Variants in RIPPLY3 observed in about 807,000 individuals in gnomAD.
RIPPLY3 encodes the protein ripply transcriptional repressor 3.
A neutral mutation model predicts 11.9 loss-of-function variants in RIPPLY3; 8 were observed. That is an observed-to-expected ratio of 0.67 (90% CI 0.40 to 1.21). The LOEUF (loss-of-function observed/expected upper bound fraction) is 1.21. RIPPLY3 is among the 50% of genes most tolerant of loss of function. RIPPLY3 has a pLI of 0.01. For synonymous variants in RIPPLY3, 102 were observed against 99.0 expected (o/e 1.03, Z -0.18); for missense variants, 271 against 246.0 (o/e 1.10, Z -0.68).
In RIPPLY3 at chr21:37,018,228, C is replaced by T. The variant is rs2069602030; in HGVS notation, c.*21C>T. The T allele has an allele frequency of 6.3e-7, 1 of 1,595,666 alleles. No individual in the cohort carries two copies. The highest frequency in any genetic ancestry group is 1.3e-5 in the African/African-American group (1 of 74,610). On this transcript the variant is annotated 3_prime_UTR_variant, in exon 4 of 4. Coordinates refer to ENST00000329553, the MANE Select transcript of RIPPLY3 (RefSeq NM_018962.3). ...AATGAATCAGTCTCTGTCTCCTGGG[C>T]CCTGCTCTGGGACCTGCCCCTCACG... is the stretch of plus-strand genomic sequence containing the variant.
chr21:37,010,209 G>A (rs1198542089), intron 2 of RIPPLY3, among the ~76,000 whole-genome samples: 1 of 152,086 alleles, frequency 6.6e-6, no homozygotes, highest in African/African-American at 2.4e-5. Flanking sequence ...AAAACCTCAA[G>A]TAGGCCGGGC....
chr21:37,006,600 C>T (rs371365673), upstream of RIPPLY3: 1 of 377,568 alleles, frequency 2.6e-6, no homozygotes, highest in East Asian at 4.0e-5. The surrounding 1 kb of genome is among the most constrained non-coding windows in gnomAD (Gnocchi z 5.2). Flanking sequence ...CTGCGGCCCC[C>T]TCCGCACCCC....
In RIPPLY3 at chr21:37,017,905, T is replaced by C. The variant is rs1424004668; in HGVS notation, c.271T>C (p.Tyr91His). 3.1e-6 allele frequency: 5 copies of C among 1,613,848 alleles called. No individual in the cohort carries two copies. The South Asian group carries it at 3.3e-5, about 11-fold the overall frequency. Residue 91 changes from tyrosine (Y) to histidine (H), a missense_variant, in exon 4 of 4, where the codon TAC (tyrosine) becomes CAC (histidine). By Grantham distance (83) the Tyr-to-His change is moderately conservative (BLOSUM62 2). Transcript: ENST00000329553. Reference protein sequence around the residue: ...VYLPMSKRQEYLRSSGEQVLA... With the variant: ...VYLPMSKRQEHLRSSGEQVLA... The stretch of plus-strand genomic sequence containing the variant: ...TTTACCCATGTCAAAGCGTCAAGAA[T>C]ACCTGCGGAGTTCCGGGGAGCAAGT...
rs191671294 is a variant in RIPPLY3 at position 37,006,717 on chromosome 21, T to C, written c.-56T>C. 2.8e-5 allele frequency: 31 copies of C among 1,123,784 alleles called. No individual in the cohort carries two copies. The African/African-American group carries it at 5.0e-4, about 18-fold the overall frequency. 69.6% of individuals were successfully genotyped at this position (1,123,784 alleles called of 1,614,324 possible). On this transcript the variant is annotated 5_prime_UTR_variant, in exon 1 of 4. Coordinates refer to ENST00000329553, the MANE Select transcript of RIPPLY3 (RefSeq NM_018962.3). This position sits in a 1 kb window ranked among gnomAD's most constrained non-coding sequence, Gnocchi z 5.2. ...AGGTGAGCGCGTTAGCCCGAGTGGATCTAGGCGCGCTCGTAGGCCGGCGCC... is the reference window on the plus strand; with the variant it reads ...AGGTGAGCGCGTTAGCCCGAGTGGACCTAGGCGCGCTCGTAGGCCGGCGCC...
At chr21:37,015,172 T>C (rs1351206016) in intron 3 of RIPPLY3, among the ~76,000 whole-genome samples, 2 of 152,074 alleles carry the variant, frequency 1.3e-5, no homozygotes, top group Non-Finnish European at 2.9e-5. Context: ...TGTTTTTGTT[T>C]TTGTTTTTTG....
chr21:37,009,000 G>A (rs963260085), intron 2 of RIPPLY3, among the ~76,000 whole-genome samples: 1 of 152,032 alleles, frequency 6.6e-6, no homozygotes, highest in Non-Finnish European at 1.5e-5. Context: ...CCCGCGTCTG[G>A]CCCTTTCTGA....
intron 1 of RIPPLY3, among the ~76,000 whole-genome samples, chr21:37,007,737 C>T (rs1375679366): frequency 1.3e-5 from 2 of 152,036 alleles, no homozygotes; most frequent in African/African-American, 2.4e-5. Context: ...GTTTTTCATC[C>T]TACAACTCTG....
At chr21:37,010,257 C>T (rs2146774003) in intron 2 of RIPPLY3, among the ~76,000 whole-genome samples, 2 of 152,204 alleles carry the variant, frequency 1.3e-5, no homozygotes, top group East Asian at 1.9e-4. Flanking sequence ...TTTGGGAGGC[C>T]GAGGCGGTCG....
intron 2 of RIPPLY3, among the ~76,000 whole-genome samples, chr21:37,012,769 C>T (rs1426246249): frequency 2.6e-5 from 4 of 152,186 alleles, no homozygotes; most frequent in South Asian, 2.1e-4. Context: ...CATATGTCAC[C>T]GTTTGAGCCC....
intron 2 of RIPPLY3, among the ~76,000 whole-genome samples, chr21:37,008,707 G>A (rs902642604): frequency 7.1e-5 from 10 of 141,282 alleles, no homozygotes; most frequent in Non-Finnish European, 1.3e-4. Context: ...GCAGGGAGCC[G>A]AGATCATGCC....
upstream of RIPPLY3, chr21:37,006,468 T>A: frequency 4.0e-6 from 1 of 246,922 alleles, no homozygotes; most frequent in Non-Finnish European, 7.7e-6. The surrounding 1 kb of genome is among the most constrained non-coding windows in gnomAD (Gnocchi z 5.2). Context: ...ACCCCCCTCC[T>A]TGACACCCGG....
rs186119272 is a variant in RIPPLY3 at position 37,007,541 on chromosome 21, A to C, written c.105-616A>C. 4.7e-4 allele frequency among the ~76,000 whole-genome samples: 71 copies of C among 150,478 alleles called. 1 individual carries two copies. In the East Asian group the frequency reaches 0.013, roughly 27 times the overall value. ...TTCCTGCCTCAGCCTCCTGAGTAGC[A>C]GGGATTACACGCGCCTGCCACCACG... is the stretch of plus-strand genomic sequence containing the variant. On this transcript the variant is annotated intron_variant, in intron 1 of 3. Coordinates refer to ENST00000329553, the MANE Select transcript of RIPPLY3 (RefSeq NM_018962.3).
intron 2 of RIPPLY3, among the ~76,000 whole-genome samples, chr21:37,012,807 C>T (rs1458663092): frequency 6.6e-6 from 1 of 151,786 alleles, no homozygotes; most frequent in African/African-American, 2.4e-5. Context: ...CTCACTTGTT[C>T]CACACAAGGC....
At position 37,008,769 on chromosome 21, in the gene RIPPLY3, A is replaced by C. The variant is rs1036850338; in HGVS notation, c.171+546A>C. Among the ~76,000 whole-genome samples, 63 of 150,944 alleles carry C rather than the reference A, an allele frequency of 4.2e-4. 2 individuals carry two copies. Among genetic ancestry groups the C allele is most frequent in the Admixed American group, 1.9e-3 (29 of 15,162 alleles). ...CAAGACTCATCTCAAAAAAAAAAAA[A>C]AAAAAAAAAAACCGTAGTCGTTTCA... On this transcript the variant is annotated intron_variant, in intron 2 of 3. Transcript: ENST00000329553.
At chr21:37,010,565 G>T (rs1318286688) in intron 2 of RIPPLY3, among the ~76,000 whole-genome samples, 1 of 152,188 alleles carries the variant, frequency 6.6e-6, no homozygotes, top group Non-Finnish European at 1.5e-5. Context: ...TGAGCAGCAC[G>T]GTCACCCTCA....
upstream of RIPPLY3, chr21:37,006,517 C>A (rs1464346196): frequency 5.9e-6 from 2 of 337,732 alleles, no homozygotes; most frequent in Non-Finnish European, 1.1e-5. This position sits in a 1 kb window ranked among gnomAD's most constrained non-coding sequence, Gnocchi z 5.2. Flanking sequence ...CTCCCCATCC[C>A]CGGCTCCCTG....
chr21:37,007,168 G>A (rs971813768), intron 1 of RIPPLY3, among the ~76,000 whole-genome samples: 1 of 152,136 alleles, frequency 6.6e-6, no homozygotes, highest in African/African-American at 2.4e-5. Context: ...GCCAGCCGGG[G>A]ACACTGCAGT....
At chr21:37,017,432 A>T (rs571326869) in intron 3 of RIPPLY3, among the ~76,000 whole-genome samples, 58 of 152,182 alleles carry the variant, frequency 3.8e-4, no homozygotes, top group Middle Eastern at 6.8e-3. Flanking sequence ...TTCCTCCAGA[A>T]CCCAAGGGGT....
intron 2 of RIPPLY3, among the ~76,000 whole-genome samples, chr21:37,008,706 C>T (rs1485444966): frequency 6.9e-6 from 1 of 145,468 alleles, no homozygotes; most frequent in Non-Finnish European, 1.5e-5. Flanking sequence ...TGCAGGGAGC[C>T]GAGATCATGC....
Sources: gnomAD v4.1 joint callset for allele counts (sites outside exome capture counted in the v4.1 genomes callset) on GRCh38, gnomAD v4.1.1 for gene constraint, Gnocchi (gnomAD v3.1) non-coding constraint, MANE v1.5 for transcripts, NCBI Gene and HGNC (gene_info 2026-07-23, HGNC 2026-07-21) for gene names.